The following RBMS3 variants were observed in gnomAD, a reference collection of about 807,000 sequenced individuals.
RBMS3 encodes the protein RNA binding motif single stranded interacting protein 3.
A neutral mutation model predicts 66.8 loss-of-function variants in RBMS3; 27 were observed. The ratio of observed to expected loss-of-function variants is 0.40; its 90% confidence interval spans 0.30 to 0.56. The LOEUF is 0.56. Among genes scored for constraint, RBMS3 ranks in the 20% least tolerant of loss-of-function variants. The pLI is 0.40. For synonymous variants in RBMS3, 188 were observed against 183.0 expected, an observed-to-expected ratio of 1.03 and a Z score of -0.22; for missense variants, 513 against 549.5, an observed-to-expected ratio of 0.93 and a Z score of 0.66.
Position 29,385,761 on chromosome 3 carries a change from G to T in RBMS3, c.76-48982G>T, listed in dbSNP as rs147196542. Among the ~76,000 whole-genome samples the T allele has an allele frequency of 3.7e-3, 569 of 152,214 alleles. 6 individuals carry two copies. Among genetic ancestry groups the T allele is most frequent in the Middle Eastern group, 0.031 (9 of 294 alleles). On this transcript the variant is annotated intron_variant, in intron 1 of 14. Transcript: ENST00000383767. Reference sequence around the variant, plus strand: ...ATTTTGCCTCAGCCACACATGCAAAGGACATATCCTAGACTCTCTCATTAC... The same window carrying T: ...ATTTTGCCTCAGCCACACATGCAAATGACATATCCTAGACTCTCTCATTAC...
At chr3:29,803,480 G>C (rs1054301210) in intron 6 of RBMS3, among the ~76,000 whole-genome samples, 4 of 152,046 alleles carry the variant, frequency 2.6e-5, no homozygotes, top group African/African-American at 7.2e-5. Context: ...TGTGGACAAA[G>C]GGGTGTTAAA....
At chr3:29,754,472 C>T (rs944015740) in intron 5 of RBMS3, among the ~76,000 whole-genome samples, 3 of 152,086 alleles carry the variant, frequency 2.0e-5, no homozygotes, top group Non-Finnish European at 4.4e-5. Context: ...GCATTCAAAT[C>T]TGAGGAGGGC....
chr3:29,604,104 A>C (rs539259109), intron 4 of RBMS3, among the ~76,000 whole-genome samples: 32 of 152,122 alleles, frequency 2.1e-4, no homozygotes, highest in African/African-American at 7.7e-4. Flanking sequence ...TAAAATATCA[A>C]TAATGTCAAG....
intron 6 of RBMS3, among the ~76,000 whole-genome samples, chr3:29,830,137 G>A (rs1028964661): frequency 1.3e-5 from 2 of 151,872 alleles, no homozygotes; most frequent in Non-Finnish European, 2.9e-5. Context: ...TTAGTGGGAG[G>A]TAGTCTTTTT....
chr3:29,557,411 C>T (rs1237428888), intron 3 of RBMS3, among the ~76,000 whole-genome samples: 1 of 152,202 alleles, frequency 6.6e-6, no homozygotes, highest in Non-Finnish European at 1.5e-5. Context: ...GAGTGCAATT[C>T]CAAGATGTTG....
At chr3:29,316,406 A>T (rs2034678696) in intron 1 of RBMS3, among the ~76,000 whole-genome samples, 1 of 151,752 alleles carries the variant, frequency 6.6e-6, no homozygotes, top group African/African-American at 2.4e-5. Context: ...CCTAGCAAAG[A>T]TAACACTCTT....
Position 29,281,119 on chromosome 3 carries a change from T to TTC in RBMS3, c.-562_-561insCT, listed in dbSNP as rs2031721073. 6.9e-6 allele frequency: 1 copy of TTC among 145,750 alleles called. No individual in the cohort carries two copies. Among genetic ancestry groups the TTC allele is most frequent in the African/African-American group, 2.5e-5 (1 of 39,504 alleles). 9.0% of individuals were successfully genotyped at this position (145,750 alleles called of 1,614,324 possible). On this transcript the variant is annotated 5_prime_UTR_variant, in exon 1 of 15. Transcript: ENST00000383767. ...CAGCAACTAAGCTGTACAAGGTTTT[T>TTC]TTTTTTTTTTTTTCTTCCTTTTTTT...
At chr3:29,686,582 C>T (rs962410632) in intron 4 of RBMS3, among the ~76,000 whole-genome samples, 6 of 152,052 alleles carry the variant, frequency 3.9e-5, no homozygotes, top group African/African-American at 9.7e-5. Flanking sequence ...CTACTAGAGA[C>T]GCTGAAGCCA....
intron 3 of RBMS3, among the ~76,000 whole-genome samples, chr3:29,517,688 A>G (rs775727710): frequency 3.3e-5 from 5 of 152,212 alleles, no homozygotes; most frequent in Non-Finnish European, 5.9e-5. Context: ...TCTATTGGAC[A>G]GTATGATTTT....
intron 2 of RBMS3, among the ~76,000 whole-genome samples, chr3:29,463,492 G>A (rs1420968667): frequency 6.6e-6 from 1 of 151,824 alleles, no homozygotes; most frequent in Non-Finnish European, 1.5e-5. Context: ...TCTCGCCATT[G>A]CTCCCTTTCC....
At position 29,295,006 on chromosome 3, in the gene RBMS3, C is replaced by A. The variant is rs2033126305; in HGVS notation, c.75+13250C>A. On this transcript the variant is annotated intron_variant, in intron 1 of 14. Transcript: ENST00000383767. ...GAAAACAAAACACAATTTCCCTGTA[C>A]AATTACCTACGTGGGTATAAAGACA... Among the ~76,000 whole-genome samples the A allele has an allele frequency of 2.0e-5, 3 of 151,564 alleles. No homozygotes were observed. In the South Asian group the frequency reaches 6.2e-4, roughly 31 times the overall value.
intron 6 of RBMS3, among the ~76,000 whole-genome samples, chr3:29,804,545 C>A (rs986539022): frequency 6.6e-6 from 1 of 151,936 alleles, no homozygotes; most frequent in Non-Finnish European, 1.5e-5. Context: ...AGATTCAACT[C>A]TACTTTTTTA....
At chr3:29,607,091 T>C (rs2149127163) in intron 4 of RBMS3, among the ~76,000 whole-genome samples, 2 of 152,134 alleles carry the variant, frequency 1.3e-5, no homozygotes, top group African/African-American at 4.8e-5. Context: ...GCAAACATTC[T>C]GTGTGGGTTT....
At chr3:29,370,353 C>T (rs535846064) in intron 1 of RBMS3, among the ~76,000 whole-genome samples, 8 of 152,204 alleles carry the variant, frequency 5.3e-5, no homozygotes, top group Non-Finnish European at 1.0e-4. Context: ...TCAGGTTGTA[C>T]ATCCATTTTC....
Position 29,293,831 on chromosome 3 carries a change from C to A in RBMS3, c.75+12075C>A, listed in dbSNP as rs113120755. ...CTTCTTTGTCTCTCTGCCCTCTGAT[C>A]CTTAAATTCTGCTTCCTTCTTTTTG... On this transcript the variant is annotated intron_variant, in intron 1 of 14. Transcript: ENST00000383767. 3.9e-3 allele frequency among the ~76,000 whole-genome samples: 586 copies of A among 151,316 alleles called. 7 individuals are homozygous for A. Among genetic ancestry groups the A allele is most frequent in the African/African-American group, 0.013 (546 of 41,314 alleles).
At chr3:29,765,760 A>G (rs557468405) in intron 6 of RBMS3, 2 of 152,142 alleles carry the variant, frequency 1.3e-5, no homozygotes, top group African/African-American at 4.8e-5. Flanking sequence ...GTTTGTTTTC[A>G]TGCTGCTGAT....
chr3:29,691,949 ATTTT>A (rs1294126975), intron 4 of RBMS3, among the ~76,000 whole-genome samples: 24 of 64,992 alleles, frequency 3.7e-4, no homozygotes, highest in Middle Eastern at 0.011. Context: ...CTCTCTCTCT[ATTTT>A]TTTTTTTTTT....
intron 1 of RBMS3, among the ~76,000 whole-genome samples, chr3:29,415,745 G>A (rs1361367482): frequency 6.6e-6 from 1 of 151,878 alleles, no homozygotes; most frequent in Non-Finnish European, 1.5e-5. Flanking sequence ...AGGACTTGGG[G>A]CCTGGCTAAG....
At chr3:29,933,921 C>T (rs1171810665) in intron 10 of RBMS3, 1 of 152,046 alleles carries the variant, frequency 6.6e-6, no homozygotes, top group East Asian at 1.9e-4. Context: ...ACAATTCTTC[C>T]AAAATTAATT....
Sources: allele counts gnomAD v4.1 joint callset (sites outside exome capture counted in the v4.1 genomes callset), GRCh38; gene constraint gnomAD v4.1.1; transcripts MANE v1.5; gene names NCBI Gene and HGNC (gene_info 2026-07-23, HGNC 2026-07-21).